ARHGEF33: variants seen among roughly 807,000 people sequenced by gnomAD.
ARHGEF33 encodes DH and coiled-coil domain-containing protein ENSP00000381780.
Under a neutral mutation model 101.9 loss-of-function variants are expected in ARHGEF33, and 72 were observed. The ratio of observed to expected loss-of-function variants is 0.71; its 90% confidence interval spans 0.58 to 0.86. ARHGEF33 has a LOEUF of 0.86. Ranked by LOEUF, ARHGEF33 falls within the 40% of genes least tolerant of loss-of-function variation. The pLI, the probability that ARHGEF33 is intolerant of heterozygous loss-of-function variation, is 0.00. For synonymous variants in ARHGEF33, 499 were observed against 442.5 expected (o/e 1.13, Z -1.60); for missense variants, 1,169 against 1,111.3 (o/e 1.05, Z -0.74).
At chr2:38,915,003 G>A (rs964495092) in intron 2 of ARHGEF33, among the ~76,000 whole-genome samples, 2 of 151,422 alleles carry the variant, frequency 1.3e-5, no homozygotes, top group Non-Finnish European at 2.9e-5. Context: ...CAACAATAAT[G>A]ATCCTATGTT....
intron 2 of ARHGEF33, among the ~76,000 whole-genome samples, chr2:38,904,492 G>T (rs565175578): frequency 2.0e-5 from 3 of 152,202 alleles, no homozygotes; most frequent in African/African-American, 4.8e-5. Context: ...GATCACCTGA[G>T]GTCAGGAGTT....
chr2:38,953,980 T>G (rs1177399170), intron 12 of ARHGEF33, among the ~76,000 whole-genome samples: 1 of 152,224 alleles, frequency 6.6e-6, no homozygotes, highest in South Asian at 2.1e-4. Flanking sequence ...CCTTTTCCAT[T>G]GTCCTGAAGC....
intron 3 of ARHGEF33, among the ~76,000 whole-genome samples, chr2:38,919,931 C>G (rs902931311): frequency 2.6e-5 from 4 of 152,208 alleles, no homozygotes; most frequent in Non-Finnish European, 5.9e-5. Context: ...GGATCTGGAT[C>G]TTTCCTCCCA....
intron 9 of ARHGEF33, among the ~76,000 whole-genome samples, chr2:38,943,561 G>C (rs1237504847): frequency 2.0e-5 from 3 of 152,220 alleles, no homozygotes; most frequent in Non-Finnish European, 4.4e-5. Context: ...AGGATCTGGA[G>C]GTTCAATTGC....
At chr2:38,964,917 G>A (rs1047328227) in intron 16 of ARHGEF33, among the ~76,000 whole-genome samples, 1 of 152,172 alleles carries the variant, frequency 6.6e-6, no homozygotes, top group Non-Finnish European at 1.5e-5. Flanking sequence ...ACCTGATCCT[G>A]TAGTCACAGG....
At chr2:38,965,618 G>T (rs930645595) in intron 16 of ARHGEF33, among the ~76,000 whole-genome samples, 12 of 152,184 alleles carry the variant, frequency 7.9e-5, no homozygotes, top group African/African-American at 2.9e-4. Context: ...GATAAGAGGG[G>T]ACTGCTACTG....
intron 1 of ARHGEF33, among the ~76,000 whole-genome samples, chr2:38,894,156 C>CAAAAACA (rs978614608): frequency 4.0e-5 from 6 of 151,746 alleles, no homozygotes; most frequent in Non-Finnish European, 8.8e-5. Context: ...CCATCTCTAC[C>CAAAAACA]AAAAACAAAA....
chr2:38,909,415 G>T (rs1160836796), intron 2 of ARHGEF33, among the ~76,000 whole-genome samples: 2 of 151,702 alleles, frequency 1.3e-5, no homozygotes, highest in Admixed American at 1.3e-4. Context: ...TTGACTTCCT[G>T]GGCTCAGGTG....
chr2:38,934,014 G>T (rs1032015039), intron 7 of ARHGEF33, among the ~76,000 whole-genome samples: 2 of 152,142 alleles, frequency 1.3e-5, no homozygotes, highest in African/African-American at 4.8e-5. Flanking sequence ...CTCTCAAGAT[G>T]TTTAGCCTCC....
rs906400172 is a variant in ARHGEF33, at chr2:38,958,212, G to A, written c.1535+14G>A. On this transcript the variant is annotated intron_variant, in intron 15 of 17. Coordinates refer to ENST00000409978, the MANE Select transcript of ARHGEF33 (RefSeq NM_001145451.5). ...CCCTGCCATCACGTAAGCACCTGTTGCTGTGGGAAGGTTAATGCCAATGCC... is the reference window on the plus strand; with the variant it reads ...CCCTGCCATCACGTAAGCACCTGTTACTGTGGGAAGGTTAATGCCAATGCC... 1.3e-6 allele frequency: 2 copies of A among 1,551,046 alleles called. No individual in the cohort carries two copies. The highest frequency in any genetic ancestry group is 2.7e-5 in the African/African-American group (2 of 73,018).
At chr2:38,903,613 G>A (rs983637349) in intron 2 of ARHGEF33, among the ~76,000 whole-genome samples, 1 of 152,126 alleles carries the variant, frequency 6.6e-6, no homozygotes, top group Non-Finnish European at 1.5e-5. Context: ...TCCAAAGTGG[G>A]TGAAGGAAGA....
chr2:38,953,065 T>C, intron 11 of ARHGEF33, 97 bp from the exon 12 acceptor site: 2 of 664,660 alleles, frequency 3.0e-6, no homozygotes, highest in Admixed American at 2.5e-5. Context: ...TAAGATAATC[T>C]CTGCAAAGTA....
At chr2:38,890,553 G>C (rs1665973248) in intron 1 of ARHGEF33, among the ~76,000 whole-genome samples, 1 of 152,104 alleles carries the variant, frequency 6.6e-6, no homozygotes, top group African/African-American at 2.4e-5. Context: ...CACTTCATGG[G>C]GCTTTGGTGT....
chr2:38,902,262 T>G (rs1446343824), intron 2 of ARHGEF33, among the ~76,000 whole-genome samples: 1 of 151,510 alleles, frequency 6.6e-6, no homozygotes, highest in Non-Finnish European at 1.5e-5. Flanking sequence ...AGGAATAGAG[T>G]CATAATGTTG....
In ARHGEF33 at chr2:38,937,454, T is replaced by C. The variant is rs1291608573; in HGVS notation, c.685T>C (p.Trp229Arg). ...MWRQPKDGKE[W>R]GEEYVTKDHP... ...GAGGCAGCCTAAGGATGGTAAAGAA[T>C]GGGGTGAAGAATACGTCACAAAAGA... is the stretch of plus-strand genomic sequence containing the variant. Residue 229 changes from tryptophan to arginine, a missense_variant, in exon 9 of 18, where the codon TGG becomes CGG. Transcript: ENST00000409978. 6.5e-7 allele frequency: 1 copy of C among 1,549,390 alleles called. No individual in the cohort carries two copies. Among genetic ancestry groups the C allele is most frequent in the East Asian group, 2.4e-5 (1 of 40,834 alleles).
At chr2:38,893,723 T>G (rs1002105097) in intron 1 of ARHGEF33, among the ~76,000 whole-genome samples, 2 of 152,254 alleles carry the variant, frequency 1.3e-5, no homozygotes, top group Non-Finnish European at 2.9e-5. Context: ...ATGCCTTTTA[T>G]GTGGTATATG....
At chr2:38,945,040 T>G (rs1363145207) in intron 10 of ARHGEF33, among the ~76,000 whole-genome samples, 5 of 152,160 alleles carry the variant, frequency 3.3e-5, no homozygotes, top group Admixed American at 3.3e-4. Flanking sequence ...AAAGTAAGAC[T>G]TGGTGAAAAA....
intron 7 of ARHGEF33, among the ~76,000 whole-genome samples, chr2:38,935,086 G>T (rs1423437737): frequency 6.6e-6 from 1 of 151,984 alleles, no homozygotes; most frequent in African/African-American, 2.4e-5. Context: ...ATGAGTTGGG[G>T]GCAGATATTC....
At chr2:38,890,127 A>G (rs1665963719) in intron 1 of ARHGEF33, 141 bp downstream of exon 1, 1 of 205,358 alleles carries the variant, frequency 4.9e-6, no homozygotes, top group South Asian at 7.0e-5. Context: ...GTAGGCATTC[A>G]AAGAAATAAC....
Sources: gnomAD v4.1 joint callset for allele counts (sites outside exome capture counted in the v4.1 genomes callset) on GRCh38, gnomAD v4.1.1 for gene constraint, MANE v1.5 for transcripts, NCBI Gene and HGNC (gene_info 2026-07-23, HGNC 2026-07-21) for gene names.